Variants in MGAT4C observed in about 807,000 individuals in gnomAD.
MGAT4C encodes the protein alpha-1,3-mannosyl-glycoprotein 4-beta-N-acetylglucosaminyltransferase C.
A neutral mutation model predicts 40.1 loss-of-function variants in MGAT4C; 19 were observed. The observed-to-expected ratio is 0.47, with a 90% CI of 0.33 to 0.70. MGAT4C has a LOEUF of 0.70. Ranked by LOEUF, MGAT4C falls within the 30% of genes least tolerant of loss-of-function variation. The pLI is 0.02. For missense variants in MGAT4C, 491 were observed against 563.2 expected, an observed-to-expected ratio of 0.87 and a Z score of 1.30; for synonymous variants, 181 against 187.1, an observed-to-expected ratio of 0.97 and a Z score of 0.27.
intron 1 of MGAT4C, among the ~76,000 whole-genome samples, chr12:86,838,108 A>G (rs1028298787): frequency 1.2e-4 from 18 of 152,196 alleles, no homozygotes; most frequent in African/African-American, 4.1e-4. Flanking sequence ...TCAAAAATAG[A>G]TATCTGTAAG....
intron 1 of MGAT4C, among the ~76,000 whole-genome samples, chr12:86,728,975 A>G (rs1045320552): frequency 6.6e-6 from 1 of 152,222 alleles, no homozygotes; most frequent in African/African-American, 2.4e-5. Context: ...ATTCACATGT[A>G]GCTTTCTAGT....
chr12:86,592,600 A>G (rs1365689600), intron 2 of MGAT4C, among the ~76,000 whole-genome samples: 4 of 152,142 alleles, frequency 2.6e-5, no homozygotes, highest in Non-Finnish European at 5.9e-5. Context: ...TGAAAGGGAT[A>G]TACCATTAAA....
chr12:86,022,934 TA>T (rs1424781468), intron 2 of MGAT4C, among the ~76,000 whole-genome samples: 5 of 152,062 alleles, frequency 3.3e-5, no homozygotes, highest in Non-Finnish European at 7.4e-5. Flanking sequence ...GGGAGTAAGA[TA>T]AGAGTAGGAA....
rs570018967 is a variant in MGAT4C at position 86,651,571 on chromosome 12, A to C, written c.-229+75638T>G. 2.6e-5 allele frequency among the ~76,000 whole-genome samples: 4 copies of C among 152,016 alleles called. 1 individual carries two copies. Among genetic ancestry groups the C allele is most frequent in the Admixed American group, 1.3e-4 (2 of 15,216 alleles). On this transcript the variant is annotated intron_variant, in intron 2 of 7. Coordinates refer to the MGAT4C transcript ENST00000548651. ...TTAATTACAAGTAAATACAATAACT[A>C]AAAAATAAAATTCTGCTATGACCTA...
At chr12:86,500,150 A>G (rs958544670) in intron 2 of MGAT4C, among the ~76,000 whole-genome samples, 1 of 151,938 alleles carries the variant, frequency 6.6e-6, no homozygotes, top group Non-Finnish European at 1.5e-5. Flanking sequence ...ATATACATGT[A>G]TGTGTGTATG....
intron 2 of MGAT4C, among the ~76,000 whole-genome samples, chr12:86,695,572 G>A (rs1274241656): frequency 6.6e-6 from 1 of 152,188 alleles, no homozygotes; most frequent in Non-Finnish European, 1.5e-5. Flanking sequence ...GTACGCAATG[G>A]AGTACTATTC....
chr12:86,672,747 G>C (rs926817895), intron 2 of MGAT4C, among the ~76,000 whole-genome samples: 1 of 152,052 alleles, frequency 6.6e-6, no homozygotes, highest in Non-Finnish European at 1.5e-5. Flanking sequence ...ATAGAAACTA[G>C]AAAGTAATAG....
chr12:86,621,200 TA>T (rs1222588679), intron 2 of MGAT4C, among the ~76,000 whole-genome samples: 11 of 152,182 alleles, frequency 7.2e-5, no homozygotes, highest in African/African-American at 2.4e-4. Context: ...TTTTTTAAAT[TA>T]AAAAATAGAT....
intron 3 of MGAT4C, among the ~76,000 whole-genome samples, chr12:86,408,485 A>C (rs200611822): frequency 0.26 from 17,441 of 67,042 alleles, 1,680 homozygotes; most frequent in Non-Finnish European, 0.31. Context: ...CTCTCTATAT[A>C]TATATATATA....
At chr12:86,119,245 T>C (rs1878950343) in intron 1 of MGAT4C, among the ~76,000 whole-genome samples, 2 of 152,034 alleles carry the variant, frequency 1.3e-5, no homozygotes, top group Admixed American at 1.3e-4. Flanking sequence ...CAGTTGGAGA[T>C]GTGGCCTAAG....
At chr12:86,312,481 A>C (rs1954104085) in intron 4 of MGAT4C, among the ~76,000 whole-genome samples, 1 of 152,204 alleles carries the variant, frequency 6.6e-6, no homozygotes, top group East Asian at 1.9e-4. Flanking sequence ...TCATTCTGCC[A>C]CTTGCTAAGT....
In MGAT4C at chr12:86,272,852, C is replaced by CAAAT. The variant is rs963713427; in HGVS notation, c.-57+61209_-57+61212dup. On this transcript the variant is annotated intron_variant, in intron 4 of 7. Transcript: ENST00000548651. ...TGGGTGACAAAGTGAGACCCTGTCT[C>CAAAT]AAATAAATAAATAAATAAATTAAAT... Among the ~76,000 whole-genome samples the CAAAT allele has an allele frequency of 2.6e-5, 4 of 151,848 alleles. No individual in the cohort carries two copies. The East Asian group carries it at 5.8e-4, about 22-fold the overall frequency.
chr12:86,022,772 T>C (rs1889882579), intron 2 of MGAT4C, among the ~76,000 whole-genome samples: 1 of 152,136 alleles, frequency 6.6e-6, no homozygotes, highest in South Asian at 2.1e-4. Flanking sequence ...AAGGTAAATG[T>C]GCCCAAAAGT....
At chr12:86,327,511 G>C (rs1453179002) in intron 4 of MGAT4C, among the ~76,000 whole-genome samples, 1 of 151,974 alleles carries the variant, frequency 6.6e-6, no homozygotes, top group African/African-American at 2.4e-5. Context: ...TGTGGTTCAT[G>C]AGTTTGCTTG....
At chr12:86,490,507 T>C (rs761147887) in intron 2 of MGAT4C, among the ~76,000 whole-genome samples, 1 of 149,978 alleles carries the variant, frequency 6.7e-6, no homozygotes, top group Non-Finnish European at 1.5e-5. Context: ...AGGAAGAAAC[T>C]GCATCAATTA....
chr12:86,708,455 G>A (rs1373516522), intron 2 of MGAT4C, among the ~76,000 whole-genome samples: 1 of 152,232 alleles, frequency 6.6e-6, no homozygotes, highest in Non-Finnish European at 1.5e-5. Flanking sequence ...GAAATGTGGG[G>A]TTGGAGCTCC....
intron 1 of MGAT4C, among the ~76,000 whole-genome samples, chr12:86,739,048 T>C (rs1444267074): frequency 6.7e-6 from 1 of 149,122 alleles, no homozygotes; most frequent in African/African-American, 2.4e-5. Flanking sequence ...TCCACTTTTA[T>C]TTATTATTGT....
chr12:86,678,832 T>A (rs1250481698), intron 2 of MGAT4C, among the ~76,000 whole-genome samples: 1 of 152,122 alleles, frequency 6.6e-6, no homozygotes, highest in Non-Finnish European at 1.5e-5. Context: ...TCTATCATTG[T>A]TGGATATTTG....
At chr12:86,690,674 T>A (rs746093546) in intron 2 of MGAT4C, among the ~76,000 whole-genome samples, 2 of 152,088 alleles carry the variant, frequency 1.3e-5, no homozygotes, top group African/African-American at 4.8e-5. Context: ...GGTACCTTAG[T>A]TGGAAATGCA....
Sources: gnomAD v4.1 joint callset for allele counts (sites outside exome capture counted in the v4.1 genomes callset) on GRCh38, gnomAD v4.1.1 for gene constraint, MANE v1.5 for transcripts, NCBI Gene and HGNC (gene_info 2026-07-23, HGNC 2026-07-21) for gene names.